Variants in SENP1 observed in about 807,000 individuals in gnomAD.
SENP1 encodes the protein sentrin-specific protease 1.
SENP1 carries 21 observed loss-of-function variants against 93.0 expected under a neutral mutation model. The ratio of observed to expected loss-of-function variants is 0.23; its 90% CI spans 0.16 to 0.33. SENP1 has a LOEUF of 0.33. Ranked by LOEUF, SENP1 falls within the 10% of genes least tolerant of loss-of-function variation. SENP1 has a pLI of 1.00. For synonymous variants in SENP1, 256 were observed against 259.6 expected, an observed-to-expected ratio of 0.99 and a Z score of 0.13; for missense variants, 591 against 758.7, an observed-to-expected ratio of 0.78 and a Z score of 2.60.
chr12:48,065,306 T>A (rs1389714288), intron 11 of SENP1, 86 bp from the exon 12 acceptor site: 9 of 1,115,590 alleles, frequency 8.1e-6, no homozygotes, highest in Middle Eastern at 2.2e-4. Context: ...CCAATAAACC[T>A]GTCATAAGTC....
intron 9 of SENP1, among the ~76,000 whole-genome samples, chr12:48,068,842 C>T (rs1592360605): frequency 6.6e-6 from 1 of 152,002 alleles, no homozygotes; most frequent in East Asian, 1.9e-4. Flanking sequence ...AAAATAACAC[C>T]TGGATGAGAT....
intron 5 of SENP1, among the ~76,000 whole-genome samples, chr12:48,084,112 C>T (rs1944670544): frequency 6.6e-6 from 1 of 152,180 alleles, no homozygotes; most frequent in South Asian, 2.1e-4. Flanking sequence ...GGTATGCTAA[C>T]AACACATACA....
chr12:48,085,715 C>CAAAAAAAA (rs200416260), intron 5 of SENP1, among the ~76,000 whole-genome samples: 1 of 116,318 alleles, frequency 8.6e-6, no homozygotes, highest in Non-Finnish European at 1.8e-5. Flanking sequence ...TTGCTTCTCT[C>CAAAAAAAA]AAAAAAAAAA....
In SENP1 at chr12:48,066,974, A is replaced by T. The variant is rs748946871; in HGVS notation, c.996-9T>A. The T allele has an allele frequency of 6.5e-7, 1 of 1,548,586 alleles. No individual in the cohort carries two copies. The highest frequency in any genetic ancestry group is 8.8e-7 in the Non-Finnish European group (1 of 1,142,808). On this transcript the variant is annotated splice_polypyrimidine_tract_variant and intron_variant, in intron 9 of 17. Coordinates refer to ENST00000549518, the MANE Select transcript of SENP1 (RefSeq NM_001267594.2). The stretch of plus-strand genomic sequence containing the variant: ...CCTGGAAGAAAGTAGAACTATGGGT[A>T]GGAAAAGAAAAATTTGACAAATGAG...
intron 13 of SENP1, chr12:48,055,589 A>G (rs904254963): frequency 6.6e-6 from 1 of 151,978 alleles, no homozygotes; most frequent in Non-Finnish European, 1.5e-5. Context: ...TGTTTACCCT[A>G]TACTGTTTAG....
intron 13 of SENP1, among the ~76,000 whole-genome samples, chr12:48,059,026 C>T (rs1163801987): frequency 6.6e-6 from 1 of 152,080 alleles, no homozygotes; most frequent in Non-Finnish European, 1.5e-5. Flanking sequence ...TGCCTTTTTC[C>T]TTCTCGTTGC....
rs1565746638 is a variant in SENP1 at position 48,056,990 on chromosome 12, AT to A, written c.1407+6719del. 1.1e-3 allele frequency among the ~76,000 whole-genome samples: 51 copies of A among 44,430 alleles called. 1 individual carries two copies. The East Asian group carries it at 0.04, about 35-fold the overall frequency. 29.1% of individuals were successfully genotyped at this position (44,430 alleles called of 152,430 possible). A position where few individuals can be genotyped will look rare whatever the true frequency, so the allele number is the denominator to read the frequency against. ...AATATATTACATATTACATATATAA[AT>A]ATATTATTTAATATATTACATATTA... On this transcript the variant is annotated intron_variant, in intron 13 of 17. Transcript: ENST00000549518.
intron 4 of SENP1, 95 bp downstream of exon 4, chr12:48,096,248 A>C (rs1945547842): frequency 1.5e-6 from 1 of 651,904 alleles, no homozygotes; most frequent in Admixed American, 3.2e-5. Flanking sequence ...TGTTTTTGAC[A>C]ATGTTTTTAC....
chr12:48,076,132 T>C lies in SENP1; in HGVS notation c.553-1339A>G, dbSNP rs569824572. Among the ~76,000 whole-genome samples the C allele has an allele frequency of 9.8e-5, 15 of 152,370 alleles. No homozygotes were observed. The East Asian group carries it at 2.9e-3, about 29-fold the overall frequency. ...TCAATGGGCTATGTTCACTAGCACT[T>C]AGTAATATGCCCTGGCAATTTATTT... On this transcript the variant is annotated intron_variant, in intron 6 of 17. Coordinates refer to ENST00000549518, the MANE Select transcript of SENP1 (RefSeq NM_001267594.2).
At chr12:48,073,984 G>C (rs143512474) in intron 8 of SENP1, among the ~76,000 whole-genome samples, 1 of 152,320 alleles carries the variant, frequency 6.6e-6, no homozygotes, top group African/African-American at 2.4e-5. Flanking sequence ...TGTATTTAAA[G>C]TATGTAAGTA....
At chr12:48,101,226 C>T (rs1016408851) in intron 2 of SENP1, among the ~76,000 whole-genome samples, 4 of 152,194 alleles carry the variant, frequency 2.6e-5, no homozygotes, top group African/African-American at 9.7e-5. Flanking sequence ...ACAGAGGTTG[C>T]AGTGAGCTGA....
In SENP1 at chr12:48,095,044, T is replaced by A. The variant is rs886911425; in HGVS notation, c.220+1299A>T. Among the ~76,000 whole-genome samples, 5 of 152,300 alleles carry A rather than the reference T, an allele frequency of 3.3e-5. No homozygotes were observed. The East Asian group carries it at 9.6e-4, about 29-fold the overall frequency. On this transcript the variant is annotated intron_variant, in intron 4 of 17. Coordinates refer to ENST00000549518, the MANE Select transcript of SENP1 (RefSeq NM_001267594.2). Reference sequence around the variant, plus strand: ...GATTTTTCTATACAAATTATGCACATACTATGGAAGTCCAGTGCCCAGGGC... The same window carrying A: ...GATTTTTCTATACAAATTATGCACAAACTATGGAAGTCCAGTGCCCAGGGC...
rs1943928296 is a variant in SENP1 at position 48,074,533 on chromosome 12, T to A, written c.731A>T (p.Gln244Leu). Residue 244 changes from glutamine (Q) to leucine (L), a missense_variant, in exon 8 of 18, where the codon CAG becomes CTG. Transcript: ENST00000549518. ...LFKNGNSCAS[Q>L]IIGSDTSSSG... ...TGATGAAGTATCAGAGCCAATGATC[T>A]GAGATGCACAAGAGTTTCCATTTTT... 1 of 1,613,732 alleles carries A rather than the reference T, an allele frequency of 6.2e-7. No homozygotes were observed. Among genetic ancestry groups the A allele is most frequent in the African/African-American group, 1.3e-5 (1 of 74,918 alleles).
chr12:48,071,456 A>G (rs905905661), intron 9 of SENP1, among the ~76,000 whole-genome samples: 6 of 152,062 alleles, frequency 3.9e-5, no homozygotes, highest in Non-Finnish European at 7.4e-5. Flanking sequence ...TCTCTACTAA[A>G]AATACAAAAA....
chr12:48,046,454 G>A lies in SENP1; in HGVS notation c.1777-3C>T. 6.3e-7 allele frequency: 1 copy of A among 1,599,812 alleles called. No individual in the cohort carries two copies. Among genetic ancestry groups the A allele is most frequent in the Non-Finnish European group, 8.6e-7 (1 of 1,167,372 alleles). On this transcript the variant is annotated splice_polypyrimidine_tract_variant and splice_region_variant and intron_variant, in intron 16 of 17. Coordinates refer to ENST00000549518, the MANE Select transcript of SENP1 (RefSeq NM_001267594.2). ...CCATTCATCTGCTGAGGAATCTCCT[G>A]GAAGACCAACAACAAAAAAAATGAC...
chr12:48,056,188 A>C (rs1429487384), intron 13 of SENP1, among the ~76,000 whole-genome samples: 1 of 114,936 alleles, frequency 8.7e-6, no homozygotes, highest in Non-Finnish European at 1.6e-5. Context: ...TATATTATTT[A>C]ATATATAGTA....
At position 48,043,816 on chromosome 12, in the gene SENP1, C is replaced by T. The variant is rs1443366229; in HGVS notation, c.*1506G>A. On this transcript the variant is annotated 3_prime_UTR_variant, in exon 18 of 18. Coordinates refer to ENST00000549518, the MANE Select transcript of SENP1 (RefSeq NM_001267594.2). Reference sequence around the variant, plus strand: ...TTTCAAATTGTAACTTGTGGTAAAACATAGAAAAATGTACTAAACGAGCTT... The same window carrying T: ...TTTCAAATTGTAACTTGTGGTAAAATATAGAAAAATGTACTAAACGAGCTT... The T allele has an allele frequency of 6.6e-6, 1 of 152,356 alleles. No individual in the cohort carries two copies. The highest frequency in any genetic ancestry group is 1.5e-5 in the Non-Finnish European group (1 of 67,976). 9.4% of individuals were successfully genotyped at this position (152,356 alleles called of 1,614,324 possible). A position where few individuals can be genotyped will look rare whatever the true frequency, so the allele number is the denominator to read the frequency against.
chr12:48,080,476 T>C (rs1944424744), intron 6 of SENP1: 1 of 152,352 alleles, frequency 6.6e-6, no homozygotes, highest in African/African-American at 2.4e-5. Context: ...TCTTAATTGT[T>C]AATTTTGTAG....
At chr12:48,053,468 AC>A (rs1941973622) in intron 13 of SENP1, among the ~76,000 whole-genome samples, 1 of 138,132 alleles carries the variant, frequency 7.2e-6, no homozygotes, top group Non-Finnish European at 1.5e-5. Flanking sequence ...ACAGAGTGAG[AC>A]CCTGTCTCAG....
Sources: gnomAD v4.1 joint callset for allele counts (sites outside exome capture counted in the v4.1 genomes callset) on GRCh38, gnomAD v4.1.1 for gene constraint, MANE v1.5 for transcripts, NCBI Gene and HGNC (gene_info 2026-07-23, HGNC 2026-07-21) for gene names.